The following HOOK1 variants were observed in gnomAD, a reference collection of about 807,000 sequenced individuals.
HOOK1 encodes hook microtubule tethering protein 1, also known as protein Hook homolog 1.
HOOK1 carries 60 observed loss-of-function variants against 112.8 expected under a neutral mutation model. That is an observed-to-expected ratio of 0.53 (90% CI 0.43 to 0.66). The LOEUF is 0.66. Ranked by LOEUF, HOOK1 falls within the 30% of genes least tolerant of loss-of-function variation. The pLI, the probability that HOOK1 is intolerant of heterozygous loss-of-function variation, is 0.00. For missense variants in HOOK1, 770 were observed against 856.0 expected (o/e 0.90, Z 1.25); for synonymous variants, 294 against 283.8 (o/e 1.04, Z -0.36).
intron 10 of HOOK1, 46 bp downstream of exon 10, chr1:59,847,231 T>A: frequency 1.3e-6 from 2 of 1,483,354 alleles, no homozygotes; most frequent in Non-Finnish European, 1.8e-6. Context: ...TCTGAGCTAT[T>A]TAGTCAATTT....
chr1:59,868,117 C>T (rs967036421), intron 19 of HOOK1, 133 bp from the exon 20 acceptor site: 3 of 578,072 alleles, frequency 5.2e-6, no homozygotes, highest in Non-Finnish European at 9.3e-6. Flanking sequence ...GATTGTAAAA[C>T]AAGCTACAGT....
At position 59,849,916 on chromosome 1, in the gene HOOK1, A is replaced by T. The variant is rs910280114; in HGVS notation, c.1242+733A>T. On this transcript the variant is annotated intron_variant, in intron 12 of 21. Coordinates refer to ENST00000371208, the MANE Select transcript of HOOK1 (RefSeq NM_015888.6). Reference sequence around the variant, plus strand: ...CTTTTTGGCTGTTATGAATAATGCTATGAATGTTTATGTACAAATTTTTAT... The same window carrying T: ...CTTTTTGGCTGTTATGAATAATGCTTTGAATGTTTATGTACAAATTTTTAT... 3.3e-5 allele frequency among the ~76,000 whole-genome samples: 5 copies of T among 151,752 alleles called. No homozygotes were observed. The East Asian group carries it at 5.8e-4, about 18-fold the overall frequency.
intron 3 of HOOK1, among the ~76,000 whole-genome samples, chr1:59,831,900 G>A (rs1328207149): frequency 2.0e-5 from 3 of 152,188 alleles, no homozygotes; most frequent in Non-Finnish European, 4.4e-5. Context: ...CATGACTGCA[G>A]CTGGACATGC....
rs2098400401 is a variant in HOOK1, at chr1:59,840,322, G to T, written c.552G>T (p.Leu184Phe). ...TTGTATTTCAGCTTAAAAGAGCCTT[G>T]GAAGAACTTCAGGAAGCACTAGCAG... ...GELEQQLKRA[L>F]EELQEALAEK... Residue 184 changes from leucine to phenylalanine, a missense_variant, in exon 8 of 22, where the codon TTG becomes TTT. Transcript: ENST00000371208. The T allele has an allele frequency of 6.3e-7, 1 of 1,584,662 alleles. No homozygotes were observed. The highest frequency in any genetic ancestry group is 8.6e-7 in the Non-Finnish European group (1 of 1,167,200).
chr1:59,832,135 T>A (rs769928711), intron 3 of HOOK1, 28 bp from the exon 4 acceptor site: 67 of 1,291,902 alleles, frequency 5.2e-5, no homozygotes, highest in Non-Finnish European at 7.2e-5. Context: ...TAATCTGAAA[T>A]AAGAATCTCT....
At chr1:59,829,629 C>A (rs994686356) in intron 3 of HOOK1, among the ~76,000 whole-genome samples, 2 of 151,856 alleles carry the variant, frequency 1.3e-5, no homozygotes, top group Admixed American at 6.6e-5. Flanking sequence ...TTTTCTTTTC[C>A]TGCTATTGGT....
chr1:59,848,689 T>G (rs1247723189), intron 11 of HOOK1, among the ~76,000 whole-genome samples, 173 bp downstream of exon 11: 1 of 151,532 alleles, frequency 6.6e-6, no homozygotes, highest in Admixed American at 6.6e-5. Context: ...TAATTGAGTT[T>G]GAGTTATCTG....
intron 8 of HOOK1, among the ~76,000 whole-genome samples, chr1:59,842,313 G>A (rs934204878): frequency 6.6e-6 from 1 of 151,926 alleles, no homozygotes; most frequent in African/African-American, 2.4e-5. Context: ...AAGGGTCTTG[G>A]GGGCAGAAAC....
chr1:59,830,281 T>C (rs903892453), intron 3 of HOOK1, among the ~76,000 whole-genome samples: 8 of 152,114 alleles, frequency 5.3e-5, no homozygotes, highest in African/African-American at 1.9e-4. Context: ...GTATAGACTC[T>C]GTAGAGAGCC....
chr1:59,859,076 T>TGA, intron 14 of HOOK1, 31 bp downstream of exon 14: 1 of 1,051,312 alleles, frequency 9.5e-7, no homozygotes, highest in Non-Finnish European at 1.3e-6. Flanking sequence ...GATAGAATTA[T>TGA]ATTTAATATT....
intron 3 of HOOK1, among the ~76,000 whole-genome samples, chr1:59,830,823 T>C: frequency 6.6e-6 from 1 of 152,092 alleles, no homozygotes; most frequent in East Asian, 1.9e-4. Context: ...TTCCTGCTTC[T>C]TCACATCTGT....
rs536290077 is a variant in HOOK1 at position 59,875,388 on chromosome 1, T to C, written c.*2423T>C. On this transcript the variant is annotated 3_prime_UTR_variant, in exon 22 of 22. Transcript: ENST00000371208. Reference sequence around the variant, plus strand: ...TATGTAAGTATTTATATAAGACTAATGTAATTTAAAGTTCTGTATTATTGT... The same window carrying C: ...TATGTAAGTATTTATATAAGACTAACGTAATTTAAAGTTCTGTATTATTGT... The C allele has an allele frequency of 2.0e-5, 3 of 152,720 alleles. No homozygotes were observed. Among genetic ancestry groups the C allele is most frequent in the East Asian group, 3.9e-4 (2 of 5,188 alleles). The allele number at this position is 152,720 out of a possible 1,614,324, so 9.5% of individuals were successfully genotyped here.
intron 20 of HOOK1, among the ~76,000 whole-genome samples, chr1:59,868,894 C>G (rs979695171): frequency 2.0e-5 from 3 of 152,168 alleles, no homozygotes; most frequent in African/African-American, 7.2e-5. Flanking sequence ...GGCATGCTCT[C>G]ATCAATTAGC....
intron 15 of HOOK1, among the ~76,000 whole-genome samples, chr1:59,861,829 A>T (rs1300409547): frequency 6.6e-6 from 1 of 152,218 alleles, no homozygotes; most frequent in Non-Finnish European, 1.5e-5. Context: ...AATTTTAGAC[A>T]TACTTGAATC....
chr1:59,838,049 A>G (rs568323050), intron 7 of HOOK1, among the ~76,000 whole-genome samples: 1 of 152,244 alleles, frequency 6.6e-6, no homozygotes, highest in South Asian at 2.1e-4. Context: ...GCTGCATAGT[A>G]TTCCATGGTG....
rs769592128 is a variant in HOOK1, at chr1:59,815,155, C to G, written c.38C>G (p.Pro13Arg). 2.6e-6 allele frequency: 4 copies of G among 1,543,702 alleles called. No individual in the cohort carries two copies. The highest frequency in any genetic ancestry group is 8.7e-7 in the Non-Finnish European group (1 of 1,146,564). ...ETQPPPQPKL[P>R]LCDSLMIWLQ... Reference sequence around the variant, plus strand: ...CAGCCGCCGCCGCAGCCTAAGCTGCCCCTGTGCGACAGCCTCATGATCTGG... The same window carrying G: ...CAGCCGCCGCCGCAGCCTAAGCTGCGCCTGTGCGACAGCCTCATGATCTGG... The change falls in exon 1 of 22, where the codon CCC becomes CGC. Residue 13 changes from proline (P) to arginine (R), a missense_variant. By Grantham distance (103) the Pro-to-Arg change is moderately radical. Coordinates refer to ENST00000371208, the MANE Select transcript of HOOK1 (RefSeq NM_015888.6).
intron 3 of HOOK1, among the ~76,000 whole-genome samples, chr1:59,829,944 T>C (rs2098392601): frequency 6.6e-6 from 1 of 152,140 alleles, no homozygotes; most frequent in Non-Finnish European, 1.5e-5. Flanking sequence ...ATTTCCCTTA[T>C]AAAGTTTTCT....
At chr1:59,817,760 G>T (rs2098382701) in intron 1 of HOOK1, among the ~76,000 whole-genome samples, 1 of 152,090 alleles carries the variant, frequency 6.6e-6, no homozygotes, top group Non-Finnish European at 1.5e-5. Context: ...GGGACTCTTT[G>T]TTACAACCAT....
chr1:59,855,964 TATTATATATATATATATATA>T (rs1574213636), intron 12 of HOOK1, among the ~76,000 whole-genome samples: 1 of 92,670 alleles, frequency 1.1e-5, no homozygotes, highest in Non-Finnish European at 2.0e-5. Context: ...ATATATAAAT[TATTATATATATATATATATA>T]TTTTTTTTTT....
Sources: gnomAD v4.1 joint callset for allele counts (sites outside exome capture counted in the v4.1 genomes callset) on GRCh38, gnomAD v4.1.1 for gene constraint, MANE v1.5 for transcripts, NCBI Gene and HGNC (gene_info 2026-07-23, HGNC 2026-07-21) for gene names.